APPL2: variants seen among roughly 807,000 people sequenced by gnomAD.
APPL2 encodes adaptor protein, phosphotyrosine interacting with PH domain and leucine zipper 2.
Under a neutral mutation model 92.7 loss-of-function variants are expected in APPL2, and 84 were observed. That is an observed-to-expected ratio of 0.91 (90% CI 0.76 to 1.09). APPL2 has a LOEUF of 1.09. Among genes scored for constraint, APPL2 ranks in the 50% least tolerant of loss-of-function variants. The probability of loss-of-function intolerance (pLI) is 0.00; values close to 1 mark genes in which losing one functional copy is unlikely to be tolerated. For missense variants in APPL2, 736 were observed against 824.5 expected (o/e 0.89, Z 1.31); for synonymous variants, 291 against 291.0 (o/e 1.00, Z 0.00).
intron 8 of APPL2, among the ~76,000 whole-genome samples, chr12:105,206,464 C>A (rs528084961): frequency 6.6e-6 from 1 of 152,156 alleles, no homozygotes; most frequent in Admixed American, 6.5e-5. Context: ...CACTCGTCTC[C>A]GCCGCACTGG....
chr12:105,231,749 G>A (rs553509795), intron 1 of APPL2, among the ~76,000 whole-genome samples: 8 of 152,262 alleles, frequency 5.3e-5, no homozygotes, highest in South Asian at 4.2e-4. Context: ...TCCTTATATC[G>A]TGGAAATGCA....
At position 105,174,190 on chromosome 12, in the gene APPL2, T is replaced by G. The variant is rs894817268; in HGVS notation, c.*124A>C. The G allele has an allele frequency of 4.1e-5, 51 of 1,235,184 alleles. No individual in the cohort carries two copies. Among genetic ancestry groups the G allele is most frequent in the Admixed American group, 2.1e-4 (8 of 38,866 alleles). 76.5% of individuals were successfully genotyped at this position (1,235,184 alleles called of 1,614,324 possible). A position where few individuals can be genotyped will look rare whatever the true frequency, so the allele number is the denominator to read the frequency against. ...AGTCTCAGTATCAAGGCATCAAGAT[T>G]ACATTCCACAAACGATTGTCAGCCT... On this transcript the variant is annotated 3_prime_UTR_variant, in exon 21 of 21. Transcript: ENST00000258530.
chr12:105,203,432 AC>A, intron 9 of APPL2: 1 of 424,668 alleles, frequency 2.4e-6, no homozygotes, highest in Admixed American at 4.1e-5. Context: ...CTCTTCTAAA[AC>A]CACAGCAAAG....
At chr12:105,211,531 A>G (rs1202433225) in intron 4 of APPL2, among the ~76,000 whole-genome samples, 3 of 152,236 alleles carry the variant, frequency 2.0e-5, no homozygotes, top group Admixed American at 2.0e-4. Context: ...CAGGGCACCA[A>G]TGAAGCTTGC....
intron 5 of APPL2, among the ~76,000 whole-genome samples, chr12:105,209,113 G>T (rs1205018465): frequency 6.6e-6 from 1 of 151,794 alleles, no homozygotes; most frequent in African/African-American, 2.4e-5. Context: ...CAAGTTTTAG[G>T]TTTCTTTACT....
rs761446154 is a variant in APPL2 at position 105,199,480 on chromosome 12, T to C, written c.756A>G (p.Gln252=). 4 of 1,614,140 alleles carry C rather than the reference T, an allele frequency of 2.5e-6. No individual in the cohort carries two copies. The East Asian group carries it at 8.9e-5, about 36-fold the overall frequency. Residue 252 remains glutamine (Q), a synonymous_variant, in exon 10 of 21, where the codon CAA becomes CAG. Coordinates refer to ENST00000258530, the MANE Select transcript of APPL2 (RefSeq NM_018171.5). The part of the protein sequence containing the change: ...AEAEKMRVSQ[Q]ELLSVDESVY... Reference sequence around the variant, plus strand: ...CAGATTCATCAACAGAAAGTAATTCTTGCTGGGACACCCGCATCTTTTCCG... The same window carrying C: ...CAGATTCATCAACAGAAAGTAATTCCTGCTGGGACACCCGCATCTTTTCCG...
At chr12:105,211,908 C>A (rs1889255353) in intron 4 of APPL2, among the ~76,000 whole-genome samples, 1 of 152,140 alleles carries the variant, frequency 6.6e-6, no homozygotes, top group Non-Finnish European at 1.5e-5. Context: ...ATCATGAGGT[C>A]AGGAGATCGA....
intron 1 of APPL2, among the ~76,000 whole-genome samples, chr12:105,234,769 C>T (rs1891130087): frequency 8.2e-6 from 1 of 121,878 alleles, no homozygotes; most frequent in African/African-American, 3.2e-5. Flanking sequence ...ATTAAAATGC[C>T]AGGAGTCTAC....
At chr12:105,231,080 T>C (rs993760137) in intron 1 of APPL2, among the ~76,000 whole-genome samples, 2 of 152,230 alleles carry the variant, frequency 1.3e-5, no homozygotes, top group African/African-American at 4.8e-5. Context: ...GTCTATTCCA[T>C]TTATAAACAA....
intron 2 of APPL2, among the ~76,000 whole-genome samples, chr12:105,226,900 G>A (rs1890550839): frequency 2.0e-5 from 3 of 151,994 alleles, no homozygotes; most frequent in South Asian, 2.1e-4. Context: ...ATCACTTGAG[G>A]CCAGGAGTTT....
chr12:105,175,373 A>T (rs1336967436), intron 20 of APPL2, among the ~76,000 whole-genome samples: 1 of 152,218 alleles, frequency 6.6e-6, no homozygotes, highest in Non-Finnish European at 1.5e-5. Context: ...ACTGAACTGC[A>T]CTAATATGGT....
At chr12:105,228,063 A>G (rs1566100973) in intron 2 of APPL2, among the ~76,000 whole-genome samples, 1 of 152,186 alleles carries the variant, frequency 6.6e-6, no homozygotes, top group Non-Finnish European at 1.5e-5. Flanking sequence ...AACGGCAAGG[A>G]CTGAGTCTTA....
At chr12:105,188,538 T>A (rs1415685977) in intron 16 of APPL2, 91 bp from the exon 17 acceptor site, 1 of 1,424,366 alleles carries the variant, frequency 7.0e-7, no homozygotes, top group Non-Finnish European at 9.5e-7. Flanking sequence ...TTTTGCCTGC[T>A]TTCTGTGGAG....
intron 16 of APPL2, among the ~76,000 whole-genome samples, chr12:105,189,207 T>A (rs868705519): frequency 2.0e-5 from 3 of 147,998 alleles, no homozygotes; most frequent in Admixed American, 6.7e-5. Flanking sequence ...ATATATATAT[T>A]TTTGTAGAGA....
intron 14 of APPL2, among the ~76,000 whole-genome samples, chr12:105,193,483 T>C (rs1887398398): frequency 6.6e-6 from 1 of 152,226 alleles, no homozygotes; most frequent in Non-Finnish European, 1.5e-5. Flanking sequence ...ACTGCAGGTC[T>C]GGTATTCCCT....
At position 105,215,815 on chromosome 12, in the gene APPL2, C is replaced by T. The variant is rs183331633; in HGVS notation, c.285+1254G>A. ...CAGCACTTTGGGATGCCGAGGTGGGCGGATCACAAGGTCAGAAGACCGAGA... is the reference window on the plus strand; with the variant it reads ...CAGCACTTTGGGATGCCGAGGTGGGTGGATCACAAGGTCAGAAGACCGAGA... On this transcript the variant is annotated intron_variant, in intron 4 of 20. Transcript: ENST00000258530. 7.8e-4 allele frequency among the ~76,000 whole-genome samples: 118 copies of T among 151,936 alleles called. 1 individual carries two copies. Among genetic ancestry groups the T allele is most frequent in the Admixed American group, 1.4e-3 (22 of 15,278 alleles).
At chr12:105,193,116 T>C (rs762422790) in intron 14 of APPL2, among the ~76,000 whole-genome samples, 16 of 115,114 alleles carry the variant, frequency 1.4e-4, no homozygotes, top group East Asian at 3.9e-4. Context: ...GCTAGAGTCA[T>C]TTTTTTTCCC....
chr12:105,193,113 T>C (rs1163841923), intron 14 of APPL2, among the ~76,000 whole-genome samples: 1 of 148,586 alleles, frequency 6.7e-6, no homozygotes, highest in East Asian at 1.9e-4. Flanking sequence ...CTGGCTAGAG[T>C]CATTTTTTTT....
intron 9 of APPL2, among the ~76,000 whole-genome samples, chr12:105,203,088 C>A (rs1888364467): frequency 6.6e-6 from 1 of 151,226 alleles, no homozygotes; most frequent in Admixed American, 6.6e-5. Context: ...TACTCCAGAA[C>A]TCGTCGCAAG....
Sources: gnomAD v4.1 joint callset for allele counts (sites outside exome capture counted in the v4.1 genomes callset) on GRCh38, gnomAD v4.1.1 for gene constraint, MANE v1.5 for transcripts, NCBI Gene and HGNC (gene_info 2026-07-23, HGNC 2026-07-21) for gene names.